VDR: variants seen among roughly 807,000 people sequenced by gnomAD.
VDR encodes the protein vitamin D3 receptor.
Under a neutral mutation model 39.7 loss-of-function variants are expected in VDR, and 19 were observed. The observed-to-expected ratio is 0.48, with a 90% CI of 0.33 to 0.70. The LOEUF (loss-of-function observed/expected upper bound fraction) is 0.70. Among genes scored for constraint, VDR ranks in the 30% least tolerant of loss-of-function variants. The pLI is 0.02. For missense variants in VDR, 442 were observed against 570.5 expected (o/e 0.77, Z 2.29); for synonymous variants, 242 against 215.8 (o/e 1.12, Z -1.07).
At chr12:47,875,972 C>T (rs984977260) in intron 3 of VDR, among the ~76,000 whole-genome samples, 3 of 152,134 alleles carry the variant, frequency 2.0e-5, no homozygotes, top group African/African-American at 7.2e-5. Context: ...GACAGCAGTG[C>T]AGCACTACGC....
At chr12:47,904,124 G>GAGA (rs1362164033) in intron 1 of VDR, among the ~76,000 whole-genome samples, 2 of 151,656 alleles carry the variant, frequency 1.3e-5, no homozygotes, top group African/African-American at 4.9e-5. Context: ...GGAGGAGGAG[G>GAGA]AGAAGGAGGA....
chr12:47,880,058 C>T (rs1176924059), intron 2 of VDR, among the ~76,000 whole-genome samples: 2 of 152,022 alleles, frequency 1.3e-5, no homozygotes, highest in Non-Finnish European at 2.9e-5. Context: ...AGAGATGATT[C>T]TGGGATACCT....
chr12:47,859,409 T>C (rs1021052217), intron 4 of VDR, among the ~76,000 whole-genome samples: 10 of 152,348 alleles, frequency 6.6e-5, no homozygotes, highest in African/African-American at 2.4e-4. Context: ...ACAGCCTCTG[T>C]TCTGGGCATG....
chr12:47,877,328 G>A (rs1022576229), intron 3 of VDR, among the ~76,000 whole-genome samples: 2 of 152,072 alleles, frequency 1.3e-5, no homozygotes, highest in African/African-American at 2.4e-5. Flanking sequence ...GGGCAGCAGT[G>A]GTGACCCATC....
intron 1 of VDR, among the ~76,000 whole-genome samples, chr12:47,885,079 C>A (rs768878945): frequency 5.3e-5 from 8 of 152,182 alleles, no homozygotes; most frequent in Non-Finnish European, 1.2e-4. Flanking sequence ...CCCACCCCAC[C>A]AGCAATTCAT....
chr12:47,848,066 A>AT lies in VDR; in HGVS notation c.756-1259dup, dbSNP rs914906737. ...AGGTGCCCGCCACCATGGCCAGCTA[A>AT]TTTTTTTTTGTATTTTTAGTAGAGA... On this transcript the variant is annotated intron_variant, in intron 7 of 9. Transcript: ENST00000549336. 2.6e-4 allele frequency among the ~76,000 whole-genome samples: 40 copies of AT among 151,586 alleles called. No homozygotes were observed. The East Asian group carries it at 2.7e-3, about 10-fold the overall frequency.
chr12:47,880,974 TA>T (rs1304332285), intron 2 of VDR, among the ~76,000 whole-genome samples: 1 of 149,698 alleles, frequency 6.7e-6, no homozygotes, highest in East Asian at 1.9e-4. Context: ...TATATACCTA[TA>T]TATAAAGAGA....
At chr12:47,868,624 T>A (rs1271100409) in intron 3 of VDR, among the ~76,000 whole-genome samples, 2 of 152,144 alleles carry the variant, frequency 1.3e-5, no homozygotes, top group Non-Finnish European at 2.9e-5. Flanking sequence ...TTCCAGGACA[T>A]GAGATTGGTG....
chr12:47,864,366 A>C (rs1002759034), intron 4 of VDR, among the ~76,000 whole-genome samples: 1 of 152,222 alleles, frequency 6.6e-6, no homozygotes, highest in Non-Finnish European at 1.5e-5. Context: ...GGTCTTCTCC[A>C]ACCCCAGAGA....
rs953418688 is a variant in VDR, at chr12:47,900,700, G to A, written c.-84+4255C>T. 9.2e-5 allele frequency among the ~76,000 whole-genome samples: 14 copies of A among 152,240 alleles called. No homozygotes were observed. In the Middle Eastern group the frequency reaches 0.017, roughly 185 times the overall value. ...CTGGATGTGTCACCAGCAAAGCCTC[G>A]GGCCTCATGGGTATTCCACAGTGCC... On this transcript the variant is annotated intron_variant, in intron 1 of 9. Coordinates refer to ENST00000549336, the MANE Select transcript of VDR (RefSeq NM_000376.3).
At chr12:47,859,959 CTTTCTTTCT>C (rs1945592447) in intron 4 of VDR, among the ~76,000 whole-genome samples, 1 of 139,322 alleles carries the variant, frequency 7.2e-6, no homozygotes, top group Admixed American at 7.6e-5. Context: ...TTCTTTCTTT[CTTTCTTTCT>C]TTCTTTCTTT....
intron 4 of VDR, among the ~76,000 whole-genome samples, chr12:47,864,126 G>A (rs976804387): frequency 4.6e-5 from 7 of 152,230 alleles, no homozygotes; most frequent in African/African-American, 1.7e-4. Context: ...TCTGGATGCA[G>A]ATGGCAGACA....
At chr12:47,880,051 G>A (rs1013902611) in intron 2 of VDR, among the ~76,000 whole-genome samples, 2 of 152,066 alleles carry the variant, frequency 1.3e-5, no homozygotes, top group African/African-American at 4.8e-5. Context: ...CAGGCTCAGA[G>A]ATGATTCTGG....
chr12:47,874,786 C>A (rs1055892010), intron 3 of VDR, among the ~76,000 whole-genome samples: 3 of 152,144 alleles, frequency 2.0e-5, no homozygotes, highest in Non-Finnish European at 4.4e-5. Flanking sequence ...TCCATTACAC[C>A]TTTTCCTTTA....
intron 1 of VDR, chr12:47,896,766 C>G (rs75102233): frequency 6.6e-6 from 1 of 152,204 alleles, no homozygotes; most frequent in African/African-American, 2.4e-5. Context: ...GCCCCTCCCC[C>G]ACTTCTTAAC....
At chr12:47,857,101 C>T (rs1945504034) in intron 6 of VDR, 28 bp downstream of exon 6, 1 of 1,613,626 alleles carries the variant, frequency 6.2e-7, no homozygotes, top group Non-Finnish European at 8.5e-7. Context: ...CGCTCCCTTA[C>T]TCTATGGAGG....
intron 1 of VDR, among the ~76,000 whole-genome samples, chr12:47,887,579 G>T (rs1330639684): frequency 6.6e-6 from 1 of 152,230 alleles, no homozygotes; most frequent in African/African-American, 2.4e-5. Context: ...GTTTGATCAT[G>T]ATCCCCACAA....
intron 7 of VDR, among the ~76,000 whole-genome samples, chr12:47,853,018 C>G (rs945859765): frequency 3.9e-5 from 6 of 152,172 alleles, no homozygotes; most frequent in Admixed American, 2.6e-4. Context: ...TGATTTACTT[C>G]TCTTTCTCAA....
intron 1 of VDR, among the ~76,000 whole-genome samples, chr12:47,891,963 C>T (rs569380366): frequency 2.0e-5 from 3 of 146,524 alleles, no homozygotes; most frequent in Non-Finnish European, 4.5e-5. Context: ...AGGTGGGTGC[C>T]GAGGGGCTGG....
Sources: gnomAD v4.1 joint callset for allele counts (sites outside exome capture counted in the v4.1 genomes callset) on GRCh38, gnomAD v4.1.1 for gene constraint, MANE v1.5 for transcripts, NCBI Gene and HGNC (gene_info 2026-07-23, HGNC 2026-07-21) for gene names.